Variants in ZNF536 observed in about 807,000 individuals in gnomAD.
The protein encoded by ZNF536 is zinc finger protein 536.
In ZNF536, 13 loss-of-function variants were observed where a neutral mutation model predicts 84.5. The ratio of observed to expected loss-of-function variants is 0.15; its 90% confidence interval spans 0.10 to 0.24. ZNF536 has a LOEUF of 0.24. Among genes scored for constraint, ZNF536 ranks in the 10% least tolerant of loss-of-function variants. The pLI, the probability that ZNF536 is intolerant of heterozygous loss-of-function variation, is 1.00. For missense variants in ZNF536, 1,536 were observed against 1,747.5 expected, an observed-to-expected ratio of 0.88 and a Z score of 2.16; for synonymous variants, 811 against 742.5, an observed-to-expected ratio of 1.09 and a Z score of -1.50.
At chr19:30,505,448 TATA>T (rs1458025188) in intron 2 of ZNF536, among the ~76,000 whole-genome samples, 6 of 148,338 alleles carry the variant, frequency 4.0e-5, no homozygotes, top group African/African-American at 1.5e-4. Context: ...TCATACCTTA[TATA>T]ATAAGATGTA....
At chr19:30,350,268 T>C (rs1401246113) in intron 2 of ZNF536, among the ~76,000 whole-genome samples, 3 of 152,212 alleles carry the variant, frequency 2.0e-5, no homozygotes, top group Non-Finnish European at 2.9e-5. Flanking sequence ...TCAAAACAGC[T>C]TTTGTGGATT....
intron 2 of ZNF536, among the ~76,000 whole-genome samples, chr19:30,528,075 T>A (rs958497405): frequency 5.9e-5 from 9 of 152,226 alleles, no homozygotes; most frequent in African/African-American, 2.2e-4. Context: ...TTTACTGTTA[T>A]ACTAGAAGCT....
At chr19:30,641,349 A>G (rs1405219012) in intron 1 of ZNF536, among the ~76,000 whole-genome samples, 2 of 152,192 alleles carry the variant, frequency 1.3e-5, no homozygotes, top group East Asian at 3.8e-4. Flanking sequence ...GTTTTAGTTT[A>G]TCTCCTTTCA....
At chr19:30,467,088 T>A (rs943819312) in intron 2 of ZNF536, among the ~76,000 whole-genome samples, 1 of 152,212 alleles carries the variant, frequency 6.6e-6, no homozygotes, top group Non-Finnish European at 1.5e-5. Context: ...ATCCTCCGCC[T>A]CTGCCTCCCA....
chr19:30,514,726 G>C (rs981252669), intron 2 of ZNF536, among the ~76,000 whole-genome samples: 1 of 151,974 alleles, frequency 6.6e-6, no homozygotes, highest in Admixed American at 6.6e-5. Flanking sequence ...CAAAGCACCT[G>C]TCTTGGCCTC....
rs1555835792 is a variant in ZNF536, at chr19:30,678,742, C to CA, written c.170-32014dup. Among the ~76,000 whole-genome samples the CA allele has an allele frequency of 1.6e-4, 24 of 150,650 alleles. No individual in the cohort carries two copies. In the East Asian group the frequency reaches 1.8e-3, roughly 11 times the overall value. On this transcript the variant is annotated intron_variant, in intron 1 of 1. Coordinates refer to the ZNF536 transcript ENST00000592773. ...TGGTACCCACCCCCAAGCCCCCCCA[C>CA]ACACACCTATACCCTTACTGTTTAG...
At chr19:30,568,431 TTGA>T (rs1431816126) in intron 1 of ZNF536, among the ~76,000 whole-genome samples, 10 of 152,246 alleles carry the variant, frequency 6.6e-5, no homozygotes, top group Non-Finnish European at 7.3e-5. Flanking sequence ...TAAAATTGAA[TTGA>T]TGGGAGCAAA....
At chr19:30,422,691 C>A (rs911658089) in intron 1 of ZNF536, among the ~76,000 whole-genome samples, 12 of 152,094 alleles carry the variant, frequency 7.9e-5, no homozygotes, top group African/African-American at 2.9e-4. Flanking sequence ...ATCTACCCAT[C>A]CTTCTATCCT....
intron 2 of ZNF536, among the ~76,000 whole-genome samples, chr19:30,313,557 C>G (rs775333692): frequency 1.4e-4 from 21 of 152,160 alleles, no homozygotes; most frequent in Non-Finnish European, 2.2e-4. Context: ...CCTGCCACCC[C>G]CTGCAACTCT....
At chr19:30,635,682 G>A (rs935091614) in intron 1 of ZNF536, among the ~76,000 whole-genome samples, 1 of 152,250 alleles carries the variant, frequency 6.6e-6, no homozygotes, top group African/African-American at 2.4e-5. Context: ...AAGCAGGGCA[G>A]ATTGGAGGAG....
chr19:30,227,827 C>T (rs2022705651), upstream of ZNF536, among the ~76,000 whole-genome samples: 1 of 151,888 alleles, frequency 6.6e-6, no homozygotes, highest in Admixed American at 6.6e-5. Flanking sequence ...GCCGGGCAGC[C>T]CGAGCGGGCC....
At chr19:30,605,628 A>T (rs145933789) in intron 1 of ZNF536, among the ~76,000 whole-genome samples, 63 of 152,244 alleles carry the variant, frequency 4.1e-4, no homozygotes, top group Admixed American at 9.2e-4. Context: ...TGCAACTTTG[A>T]ATTGTGCTTC....
rs184496339 is a variant in ZNF536 at position 30,431,943 on chromosome 19, C to T, written c.-2-11618C>T. ...ATACACTCCTGACAACTGCTGGTATCTTTTTCAGTTTTGCATTATTATGTT... is the reference window on the plus strand; with the variant it reads ...ATACACTCCTGACAACTGCTGGTATTTTTTTCAGTTTTGCATTATTATGTT... On this transcript the variant is annotated intron_variant, in intron 1 of 4. Transcript: ENST00000355537. Among the ~76,000 whole-genome samples, 8 of 151,640 alleles carry T rather than the reference C, an allele frequency of 5.3e-5. No individual in the cohort carries two copies. In the East Asian group the frequency reaches 1.6e-3, roughly 30 times the overall value.
At position 30,444,705 on chromosome 19, in the gene ZNF536, C is replaced by T. The variant is rs1031148255; in HGVS notation, c.1143C>T (p.Arg381=). The T allele has an allele frequency of 1.9e-6, 3 of 1,613,934 alleles. No individual in the cohort carries two copies. The highest frequency in any genetic ancestry group is 1.6e-4 in the Middle Eastern group (1 of 6,062). ...ACTGCTGCCAGATCTGCGGCCGGCG[C>T]TTCAAGGAGCCCTGGTTCCTCAAGA... is the stretch of plus-strand genomic sequence containing the variant. ...FEHCCQICGR[R]FKEPWFLKNH... The change falls in exon 2 of 5, where the codon CGC becomes CGT. Residue 381 remains arginine (R), a synonymous_variant. Transcript: ENST00000355537.
chr19:30,535,832 A>G (rs2045051772), intron 3 of ZNF536, among the ~76,000 whole-genome samples: 1 of 152,162 alleles, frequency 6.6e-6, no homozygotes, highest in Non-Finnish European at 1.5e-5. Flanking sequence ...CAAATATGCC[A>G]TCTATTTTCA....
chr19:30,577,093 G>A (rs1047546022), intron 1 of ZNF536, among the ~76,000 whole-genome samples: 3 of 152,222 alleles, frequency 2.0e-5, no homozygotes, highest in African/African-American at 7.2e-5. Flanking sequence ...GAAAGCAAAA[G>A]CCACCAACTC....
rs59889852 is a variant in ZNF536 at position 30,264,966 on chromosome 19, T to TGTGTGAGAGAGAGA, written c.-189-19105_-189-19104insTGTGAGAGAGAGAG. ...GTGTGTGTGTGTGTGTGTGTGTGTG[T>TGTGTGAGAGAGAGA]GAGAGAGAGAGAGAGAAAGAGAGAT... is the stretch of plus-strand genomic sequence containing the variant. On this transcript the variant is annotated intron_variant, in intron 1 of 5. Coordinates refer to the ZNF536 transcript ENST00000585628. 1.3e-3 allele frequency among the ~76,000 whole-genome samples: 171 copies of TGTGTGAGAGAGAGA among 133,850 alleles called. 1 individual carries two copies. Among genetic ancestry groups the TGTGTGAGAGAGAGA allele is most frequent in the Middle Eastern group, 7.8e-3 (2 of 256 alleles). 87.8% of individuals were successfully genotyped at this position (133,850 alleles called of 152,430 possible). A position where few individuals can be genotyped will look rare whatever the true frequency, so the allele number is the denominator to read the frequency against.
chr19:30,297,927 C>G (rs912654637), intron 2 of ZNF536, among the ~76,000 whole-genome samples: 22 of 143,362 alleles, frequency 1.5e-4, no homozygotes, highest in Admixed American at 8.1e-4. Flanking sequence ...GTCGCCCAGG[C>G]TGGAGTGCAG....
At chr19:30,386,566 G>T (rs892811480) in intron 1 of ZNF536, among the ~76,000 whole-genome samples, 1 of 152,154 alleles carries the variant, frequency 6.6e-6, no homozygotes, top group African/African-American at 2.4e-5. Flanking sequence ...TTGGTAGAGA[G>T]GGGGTCTCAG....
Sources: gnomAD v4.1 joint callset for allele counts (sites outside exome capture counted in the v4.1 genomes callset) on GRCh38, gnomAD v4.1.1 for gene constraint, MANE v1.5 for transcripts, NCBI Gene and HGNC (gene_info 2026-07-23, HGNC 2026-07-21) for gene names.